Variants in THSD7B observed in about 807,000 individuals in gnomAD.
THSD7B encodes thrombospondin type 1 domain containing 7B, also known as thrombospondin type-1 domain-containing protein 7B.
A neutral mutation model predicts 213.6 loss-of-function variants in THSD7B; 138 were observed. The observed-to-expected ratio is 0.65, with a 90% CI of 0.56 to 0.74. The LOEUF (loss-of-function observed/expected upper bound fraction) is 0.74, where lower values mean the gene tolerates loss of function less well. Among genes scored for constraint, THSD7B ranks in the 30% least tolerant of loss-of-function variants. The pLI, the probability that THSD7B is intolerant of heterozygous loss-of-function variation, is 0.00. For missense variants in THSD7B, 1,931 were observed against 1,991.5 expected, an observed-to-expected ratio of 0.97 and a Z score of 0.58; for synonymous variants, 742 against 687.0, an observed-to-expected ratio of 1.08 and a Z score of -1.25.
At chr2:136,895,428 A>G (rs928841906) in intron 2 of THSD7B, among the ~76,000 whole-genome samples, 2 of 151,746 alleles carry the variant, frequency 1.3e-5, no homozygotes, top group African/African-American at 4.8e-5. Context: ...ATAAAAAAAA[A>G]TACAACTTTT....
chr2:137,093,210 G>A (rs62172288), intron 3 of THSD7B, among the ~76,000 whole-genome samples: 2 of 152,114 alleles, frequency 1.3e-5, no homozygotes, highest in Non-Finnish European at 2.9e-5. Flanking sequence ...TTCTTAACCT[G>A]TGACAGGAAG....
intron 2 of THSD7B, among the ~76,000 whole-genome samples, chr2:136,945,993 T>G (rs1251971833): frequency 6.6e-6 from 1 of 152,200 alleles, no homozygotes; most frequent in Non-Finnish European, 1.5e-5. Flanking sequence ...CGTCCAGCTT[T>G]GTTTTGTTGC....
At chr2:137,025,136 A>G (rs1686524222) in intron 2 of THSD7B, among the ~76,000 whole-genome samples, 1 of 152,190 alleles carries the variant, frequency 6.6e-6, no homozygotes, top group Non-Finnish European at 1.5e-5. Flanking sequence ...CAGTCTTTTC[A>G]TGAAGCTGGG....
intron 2 of THSD7B, among the ~76,000 whole-genome samples, chr2:136,901,661 G>T (rs1465381550): frequency 2.0e-5 from 3 of 152,208 alleles, no homozygotes; most frequent in Non-Finnish European, 4.4e-5. Context: ...AGACATTTCA[G>T]TTAGAATGAA....
At chr2:137,121,829 A>G (rs1231573341) in intron 5 of THSD7B, among the ~76,000 whole-genome samples, 8 of 152,220 alleles carry the variant, frequency 5.3e-5, no homozygotes, top group South Asian at 4.1e-4. Flanking sequence ...ATTGAGTTTG[A>G]TTGAATTCTC....
At chr2:137,100,541 C>T (rs985137484) in intron 4 of THSD7B, among the ~76,000 whole-genome samples, 1 of 152,070 alleles carries the variant, frequency 6.6e-6, no homozygotes, top group Non-Finnish European at 1.5e-5. Flanking sequence ...CCCAACACAT[C>T]ATCTCATACA....
In THSD7B at chr2:137,081,273, A is replaced by C. The variant is rs1284560258; in HGVS notation, c.951-13600A>C. Reference sequence around the variant, plus strand: ...TTTTGGGGGAATTTGAGGGGTTACTAGAATTTTAAACATTATTTTGGTCAG... The same window carrying C: ...TTTTGGGGGAATTTGAGGGGTTACTCGAATTTTAAACATTATTTTGGTCAG... On this transcript the variant is annotated intron_variant, in intron 3 of 27. Coordinates refer to ENST00000409968, the MANE Select transcript of THSD7B (RefSeq NM_001316349.2). Among the ~76,000 whole-genome samples the C allele has an allele frequency of 2.0e-5, 3 of 152,224 alleles. No homozygotes were observed. The South Asian group carries it at 6.2e-4, about 32-fold the overall frequency.
At chr2:137,080,479 G>C (rs916498497) in intron 3 of THSD7B, among the ~76,000 whole-genome samples, 1 of 150,026 alleles carries the variant, frequency 6.7e-6, no homozygotes, top group Non-Finnish European at 1.5e-5. Context: ...CTCCCAAAAT[G>C]CTGGGATTAC....
chr2:137,267,519 C>T (rs913019136), intron 10 of THSD7B, among the ~76,000 whole-genome samples: 31 of 151,568 alleles, frequency 2.0e-4, no homozygotes, highest in Admixed American at 3.9e-4. Context: ...CCCCCACCCC[C>T]GAGTGCTCCC....
At chr2:136,823,119 G>T (rs1682592112) in intron 1 of THSD7B, among the ~76,000 whole-genome samples, 1 of 152,188 alleles carries the variant, frequency 6.6e-6, no homozygotes, top group Non-Finnish European at 1.5e-5. Flanking sequence ...ACGTGAAAGA[G>T]ATGTGTATCA....
At position 137,411,852 on chromosome 2, in the gene THSD7B, C is replaced by T; in HGVS notation, c.2939C>T (p.Pro980Leu). The T allele has an allele frequency of 6.2e-7, 1 of 1,613,916 alleles. No individual in the cohort carries two copies. The change falls in exon 14 of 28, where the codon CCC becomes CTC. Residue 980 changes from proline to leucine, a missense_variant. Physicochemically the swap from Pro to Leu is moderately conservative, Grantham distance 98. Transcript: ENST00000409968. ...GATAAAAATGGAAGACCTGTTGACC[C>T]CTCCTTCTGCAGCAGCTCTGGTAAG... is the stretch of plus-strand genomic sequence containing the variant. The part of the protein sequence containing the change: ...CSDKNGRPVD[P>L]SFCSSSGYIQ...
Position 137,177,964 on chromosome 2 carries a change from G to C in THSD7B, c.1723+7026G>C, listed in dbSNP as rs190751575. Among the ~76,000 whole-genome samples, 14 of 151,644 alleles carry C rather than the reference G, an allele frequency of 9.2e-5. 1 individual carries two copies. The highest frequency in any genetic ancestry group is 5.3e-4 in the Admixed American group (8 of 15,202). ...CACATGCCTGTAATCCCAGCTATTCGGGAGGCTGAGACAGGAGAATCGCTT... is the reference window on the plus strand; with the variant it reads ...CACATGCCTGTAATCCCAGCTATTCCGGAGGCTGAGACAGGAGAATCGCTT... On this transcript the variant is annotated intron_variant, in intron 7 of 27. Coordinates refer to ENST00000409968, the MANE Select transcript of THSD7B (RefSeq NM_001316349.2).
intron 15 of THSD7B, among the ~76,000 whole-genome samples, chr2:137,455,841 A>G (rs1334157025): frequency 6.6e-6 from 1 of 152,192 alleles, no homozygotes. Flanking sequence ...TTTTTGCTAC[A>G]TATTTTTTTA....
At chr2:137,441,803 G>A (rs1029646503) in intron 14 of THSD7B, among the ~76,000 whole-genome samples, 1 of 151,980 alleles carries the variant, frequency 6.6e-6, no homozygotes, top group Non-Finnish European at 1.5e-5. Flanking sequence ...AAATGAGCTG[G>A]AATGAGAAAA....
At chr2:137,030,917 A>G (rs1222372954) in intron 2 of THSD7B, among the ~76,000 whole-genome samples, 1 of 152,232 alleles carries the variant, frequency 6.6e-6, no homozygotes, top group Non-Finnish European at 1.5e-5. Flanking sequence ...CCCTAAAGCT[A>G]TTGAAATAAA....
At chr2:137,074,905 A>G (rs113518840) in intron 3 of THSD7B, among the ~76,000 whole-genome samples, 1 of 152,192 alleles carries the variant, frequency 6.6e-6, no homozygotes, top group Admixed American at 6.5e-5. Context: ...AGAATGTTAA[A>G]TATTGGCCCC....
intron 12 of THSD7B, among the ~76,000 whole-genome samples, chr2:137,364,820 G>T (rs184310357): frequency 2.6e-5 from 4 of 152,164 alleles, no homozygotes; most frequent in Admixed American, 6.5e-5. Flanking sequence ...ACTGCCCAAG[G>T]TAATTTATAG....
chr2:137,036,376 AT>A (rs371697899), intron 2 of THSD7B, among the ~76,000 whole-genome samples: 1 of 152,228 alleles, frequency 6.6e-6, no homozygotes, highest in East Asian at 1.9e-4. Context: ...ATACTTGCAA[AT>A]TTTTTAATGG....
At chr2:137,453,481 C>T (rs1687696363) in intron 15 of THSD7B, among the ~76,000 whole-genome samples, 1 of 151,798 alleles carries the variant, frequency 6.6e-6, no homozygotes, top group Non-Finnish European at 1.5e-5. Flanking sequence ...AGGCTTCTGC[C>T]ACCACGCCCG....
Sources: allele counts gnomAD v4.1 joint callset (sites outside exome capture counted in the v4.1 genomes callset), GRCh38; gene constraint gnomAD v4.1.1; transcripts MANE v1.5; gene names NCBI Gene and HGNC (gene_info 2026-07-23, HGNC 2026-07-21).